Variants in SEMA4D observed in about 807,000 individuals in gnomAD.
SEMA4D encodes the protein semaphorin-4D.
SEMA4D carries 22 observed loss-of-function variants against 74.8 expected under a neutral mutation model. The observed-to-expected ratio is 0.29, with a 90% confidence interval of 0.21 to 0.42. The LOEUF (loss-of-function observed/expected upper bound fraction) is 0.42, where lower values mean the gene tolerates loss of function less well. SEMA4D is among the 10% of genes least tolerant of loss of function. The pLI, the probability that SEMA4D is intolerant of heterozygous loss-of-function variation, is 1.00. For synonymous variants in SEMA4D, 445 were observed against 463.7 expected, an observed-to-expected ratio of 0.96 and a Z score of 0.52; for missense variants, 937 against 1,118.4, an observed-to-expected ratio of 0.84 and a Z score of 2.31.
intron 2 of SEMA4D, among the ~76,000 whole-genome samples, chr9:89,452,340 G>A (rs372030062): frequency 2.0e-5 from 3 of 151,908 alleles, no homozygotes; most frequent in Non-Finnish European, 2.9e-5. Context: ...CACAATGCCC[G>A]GCTAATTTTT....
At chr9:89,439,524 A>C (rs1193965794) in intron 2 of SEMA4D, among the ~76,000 whole-genome samples, 1 of 152,242 alleles carries the variant, frequency 6.6e-6, no homozygotes. Context: ...ACTGGAAAGA[A>C]GCATTTCTTC....
intron 1 of SEMA4D, among the ~76,000 whole-genome samples, chr9:89,485,154 G>C (rs753206977): frequency 6.6e-6 from 1 of 152,138 alleles, no homozygotes; most frequent in African/African-American, 2.4e-5. Context: ...CATCTGACTC[G>C]CATTTTGGAC....
In SEMA4D at chr9:89,363,809, TACTC is replaced by T. The variant is rs1310669801; in HGVS notation, c.2020_2023del (p.Glu674IlefsTer20). Reference sequence around the variant, plus strand: ...TGCTGAGGAGAGGACAGAGCAGCGATACTCAGCGCTTTCCCTGATGGCGTCCTGC... The same window carrying T: ...TGCTGAGGAGAGGACAGAGCAGCGATAGCGCTTTCCCTGATGGCGTCCTGC... On this transcript the variant is annotated frameshift_variant, in exon 17 of 19. Transcript: ENST00000339861. LOFTEE classifies it high-confidence loss of function. 4 of 1,613,964 alleles carry T rather than the reference TACTC, an allele frequency of 2.5e-6. No individual in the cohort carries two copies. In the African/African-American group the frequency reaches 5.3e-5, roughly 22 times the overall value.
intron 16 of SEMA4D, among the ~76,000 whole-genome samples, chr9:89,370,811 T>A: frequency 7.2e-6 from 1 of 138,282 alleles, no homozygotes; most frequent in African/African-American, 2.7e-5. Context: ...GTGGCATGTG[T>A]GTGGGTGTGG....
chr9:89,427,334 C>T (rs1382294100), intron 2 of SEMA4D, among the ~76,000 whole-genome samples: 1 of 152,140 alleles, frequency 6.6e-6, no homozygotes. Flanking sequence ...CCGTAGATGC[C>T]AGAAGAGGGT....
At chr9:89,452,602 C>A (rs972598941) in intron 2 of SEMA4D, among the ~76,000 whole-genome samples, 1 of 152,202 alleles carries the variant, frequency 6.6e-6, no homozygotes, top group Non-Finnish European at 1.5e-5. Flanking sequence ...CAGGCATGAG[C>A]CACCACGCCC....
chr9:89,496,859 T>C (rs1346399361), intron 1 of SEMA4D, among the ~76,000 whole-genome samples: 1 of 152,182 alleles, frequency 6.6e-6, no homozygotes, highest in Non-Finnish European at 1.5e-5. Context: ...TTCCGTTCCG[T>C]GGCGCCTGGT....
chr9:89,479,602 T>C (rs1031493645), intron 1 of SEMA4D: 12 of 172,118 alleles, frequency 7.0e-5, no homozygotes, highest in South Asian at 1.6e-4. Flanking sequence ...TCCCTTCTGA[T>C]GTTCAGATGT....
intron 13 of SEMA4D, among the ~76,000 whole-genome samples, chr9:89,384,192 C>T (rs537727543): frequency 2.6e-5 from 4 of 152,304 alleles, no homozygotes; most frequent in East Asian, 1.9e-4. Flanking sequence ...TGCACACCCA[C>T]GTTCACAGCA....
At chr9:89,456,828 G>A (rs997475318) in intron 1 of SEMA4D, among the ~76,000 whole-genome samples, 3 of 152,210 alleles carry the variant, frequency 2.0e-5, no homozygotes, top group Admixed American at 1.3e-4. Context: ...GACCTAAAGT[G>A]ATCTGCCCGC....
chr9:89,405,954 A>G, intron 2 of SEMA4D: 1 of 1,143,748 alleles, frequency 8.7e-7, no homozygotes, highest in Non-Finnish European at 1.1e-6. Context: ...AGACACATGG[A>G]GAGGACCTGG....
At chr9:89,421,937 A>G (rs71512203) in intron 2 of SEMA4D, among the ~76,000 whole-genome samples, 1 of 152,162 alleles carries the variant, frequency 6.6e-6, no homozygotes, top group Admixed American at 6.5e-5. Flanking sequence ...TTCATTTTTC[A>G]TGATTTTGAT....
At chr9:89,440,637 C>T (rs946431077) in intron 2 of SEMA4D, among the ~76,000 whole-genome samples, 7 of 152,218 alleles carry the variant, frequency 4.6e-5, no homozygotes, top group African/African-American at 1.4e-4. Context: ...CCCGGCACCT[C>T]GTGCAAGACT....
At chr9:89,443,914 CAG>C (rs2135205702) in intron 2 of SEMA4D, among the ~76,000 whole-genome samples, 1 of 152,280 alleles carries the variant, frequency 6.6e-6, no homozygotes, top group African/African-American at 2.4e-5. Flanking sequence ...CTCAGGGGCC[CAG>C]AGTCAGGCAG....
intron 2 of SEMA4D, among the ~76,000 whole-genome samples, chr9:89,422,893 A>T (rs1033595226): frequency 6.6e-6 from 1 of 152,238 alleles, no homozygotes; most frequent in African/African-American, 2.4e-5. Context: ...AAGTTAGTAC[A>T]GAAGACACAA....
chr9:89,372,018 C>G (rs1327617658), intron 16 of SEMA4D, among the ~76,000 whole-genome samples: 24 of 1,326 alleles, frequency 0.018, no homozygotes, highest in South Asian at 0.043. Flanking sequence ...TGGTGTGTGT[C>G]TGGGGTGTGG....
chr9:89,462,016 GAAC>G (rs971839791), intron 1 of SEMA4D, among the ~76,000 whole-genome samples: 20 of 152,072 alleles, frequency 1.3e-4, no homozygotes, highest in African/African-American at 4.8e-4. Flanking sequence ...TATATTTCTT[GAAC>G]AACAAATGGG....
rs1462616680 is a variant in SEMA4D at position 89,386,234 on chromosome 9, G to A, written c.1446+133C>T. The stretch of plus-strand genomic sequence containing the variant: ...AATGGCTCTGTGTCAAACTCTGAAG[G>A]TTGGCTCACCCAGGGCAGACAGACA... On this transcript the variant is annotated intron_variant, in intron 13 of 15. Transcript: ENST00000422704. The A allele has an allele frequency of 1.8e-5, 18 of 1,005,818 alleles. No individual in the cohort carries two copies. The East Asian group carries it at 4.9e-4, about 27-fold the overall frequency. The allele number at this position is 1,005,818 out of a possible 1,614,324, so 62.3% of individuals were successfully genotyped here.
At chr9:89,459,317 C>A (rs886783016) in intron 1 of SEMA4D, among the ~76,000 whole-genome samples, 1 of 152,200 alleles carries the variant, frequency 6.6e-6, no homozygotes, top group Non-Finnish European at 1.5e-5. Context: ...CAGTGAACAG[C>A]CTCTAGTCCC....
Sources: allele counts gnomAD v4.1 joint callset (sites outside exome capture counted in the v4.1 genomes callset), GRCh38; gene constraint gnomAD v4.1.1; transcripts MANE v1.5; gene names NCBI Gene and HGNC (gene_info 2026-07-23, HGNC 2026-07-21).